PCDHA7: variants seen among roughly 807,000 people sequenced by gnomAD.
PCDHA7 encodes protocadherin alpha-7.
Under a neutral mutation model 57.2 loss-of-function variants are expected in PCDHA7, and 37 were observed. That is an observed-to-expected ratio of 0.65 (90% CI 0.50 to 0.85). The LOEUF (loss-of-function observed/expected upper bound fraction) is 0.85, where lower values mean the gene tolerates loss of function less well. PCDHA7 is among the 40% of genes least tolerant of loss of function. PCDHA7 has a pLI of 0.00. For missense variants in PCDHA7, 1,188 were observed against 1,241.8 expected, an observed-to-expected ratio of 0.96 and a Z score of 0.65; for synonymous variants, 553 against 558.8, an observed-to-expected ratio of 0.99 and a Z score of 0.15.
rs146878440 is a variant in PCDHA7, at chr5:140,836,286, C to T, written c.1903C>T (p.Arg635Ter). Residue 635 changes from arginine (R) to a stop codon, truncating the protein, a stop_gained, in exon 1 of 4, where the codon CGA becomes TGA. Coordinates refer to ENST00000525929, the MANE Select transcript of PCDHA7 (RefSeq NM_018910.3). LOFTEE classifies it high-confidence loss of function. ...GLYTGEISTT[R>*]ALDETDAPRH... ...GTACACTGGTGAGATCAGCACGACA[C>T]GAGCCCTAGATGAGACGGACGCACC... 1.2e-6 allele frequency: 2 copies of T among 1,613,774 alleles called. No homozygotes were observed. Among genetic ancestry groups the T allele is most frequent in the South Asian group, 1.1e-5 (1 of 91,074 alleles).
chr5:140,868,102 T>C (rs2153230741), intron 1 of PCDHA7: 1 of 152,242 alleles, frequency 6.6e-6, no homozygotes, highest in Admixed American at 6.5e-5. Flanking sequence ...ATAATAAAAT[T>C]TATTTTATAG....
chr5:140,937,492 C>T (rs1390017602), intron 1 of PCDHA7, among the ~76,000 whole-genome samples: 1 of 152,054 alleles, frequency 6.6e-6, no homozygotes, highest in African/African-American at 2.4e-5. Context: ...TGGCACATAC[C>T]CGTAATCCCA....
chr5:140,843,901 A>G lies in PCDHA7; in HGVS notation c.2355+7163A>G. 3 of 653,454 alleles carry G rather than the reference A, an allele frequency of 4.6e-6. 1 individual carries two copies. The highest frequency in any genetic ancestry group is 7.7e-6 in the Non-Finnish European group (3 of 388,320). 40.5% of individuals were successfully genotyped at this position (653,454 alleles called of 1,614,324 possible). A position where few individuals can be genotyped will look rare whatever the true frequency, so the allele number is the denominator to read the frequency against. On this transcript the variant is annotated intron_variant, in intron 1 of 3. Transcript: ENST00000525929. ...CATAATACAGTATTAATCATTCTCC[A>G]CAAGTTGGGTCTATCTTGAAACTCA...
chr5:140,911,343 C>G (rs1223805451), intron 1 of PCDHA7, among the ~76,000 whole-genome samples: 1 of 152,136 alleles, frequency 6.6e-6, no homozygotes, highest in African/African-American at 2.4e-5. Flanking sequence ...CAATCAATGC[C>G]CTCATTTCAA....
intron 1 of PCDHA7, among the ~76,000 whole-genome samples, chr5:140,847,134 A>G (rs1210661520): frequency 6.7e-6 from 1 of 149,754 alleles, no homozygotes; most frequent in African/African-American, 2.4e-5. Flanking sequence ...AGGAAAACCA[A>G]TGTAAGAAGA....
intron 1 of PCDHA7, among the ~76,000 whole-genome samples, chr5:140,845,170 T>C (rs1779731590): frequency 6.7e-6 from 1 of 149,622 alleles, no homozygotes; most frequent in Non-Finnish European, 1.5e-5. Context: ...ATTGTTTTCA[T>C]TTTAGTCCTT....
At chr5:140,850,528 C>T (rs1228882569) in intron 1 of PCDHA7, 1 of 1,598,306 alleles carries the variant, frequency 6.3e-7, no homozygotes, top group African/African-American at 1.3e-5. Context: ...GCGCCAAAGT[C>T]ATCGTCGCGG....
chr5:140,999,614 A>G (rs572897182), intron 3 of PCDHA7, among the ~76,000 whole-genome samples: 1 of 152,302 alleles, frequency 6.6e-6, no homozygotes, highest in African/African-American at 2.4e-5. Flanking sequence ...GGACCTTATC[A>G]ACCAGGAAAC....
At chr5:140,996,655 A>G (rs974466773) in intron 3 of PCDHA7, among the ~76,000 whole-genome samples, 5 of 152,226 alleles carry the variant, frequency 3.3e-5, no homozygotes, top group African/African-American at 1.2e-4. Context: ...TCCTGGGTGC[A>G]GGCTAGTTTT....
intron 3 of PCDHA7, among the ~76,000 whole-genome samples, chr5:140,983,853 A>T (rs1447321377): frequency 6.6e-6 from 1 of 152,230 alleles, no homozygotes; most frequent in African/African-American, 2.4e-5. Context: ...ATTAAGTAAC[A>T]TGCAGCTAAG....
At chr5:140,962,665 C>T (rs1457197885) in intron 1 of PCDHA7, among the ~76,000 whole-genome samples, 1 of 152,146 alleles carries the variant, frequency 6.6e-6, no homozygotes, top group African/African-American at 2.4e-5. Flanking sequence ...TTTTCATCTT[C>T]CCATCCACTG....
chr5:140,872,442 C>T (rs1443444144), intron 1 of PCDHA7, among the ~76,000 whole-genome samples: 1 of 152,070 alleles, frequency 6.6e-6, no homozygotes, highest in Non-Finnish European at 1.5e-5. Context: ...GCCTGGACAA[C>T]ATAGCGAGAT....
rs1202247543 is a variant in PCDHA7, at chr5:140,858,682, T to A, written c.2355+21944T>A. On this transcript the variant is annotated intron_variant, in intron 1 of 3. Coordinates refer to ENST00000525929, the MANE Select transcript of PCDHA7 (RefSeq NM_018910.3). Reference sequence around the variant, plus strand: ...AAATAACAATTTATTCTGAATACACTAATATTTTCCAATACAAATATGTGA... The same window carrying A: ...AAATAACAATTTATTCTGAATACACAAATATTTTCCAATACAAATATGTGA... 35 of 617,258 alleles carry A rather than the reference T, an allele frequency of 5.7e-5. 1 individual carries two copies. The East Asian group carries it at 9.7e-4, about 17-fold the overall frequency. 38.2% of individuals were successfully genotyped at this position (617,258 alleles called of 1,614,324 possible).
intron 1 of PCDHA7, among the ~76,000 whole-genome samples, chr5:140,956,438 G>A (rs891696288): frequency 1.3e-5 from 2 of 152,154 alleles, no homozygotes; most frequent in Non-Finnish European, 2.9e-5. Context: ...TTCTGCTTAT[G>A]TGATGAATTA....
chr5:140,841,787 G>T, intron 1 of PCDHA7: 1 of 1,613,878 alleles, frequency 6.2e-7, no homozygotes, highest in Non-Finnish European at 8.5e-7. Flanking sequence ...TCCGCTAGAG[G>T]GCGCGTCCGA....
intron 1 of PCDHA7, among the ~76,000 whole-genome samples, chr5:140,905,536 T>A (rs1562950103): frequency 6.6e-6 from 1 of 152,286 alleles, no homozygotes; most frequent in East Asian, 1.9e-4. Flanking sequence ...TGGTTCCATA[T>A]GAACTTTAGG....
At chr5:140,966,756 G>A (rs1476318654) in intron 1 of PCDHA7, 9 of 1,437,232 alleles carry the variant, frequency 6.3e-6, no homozygotes, top group Non-Finnish European at 8.2e-6. Flanking sequence ...CCTCCGCCGC[G>A]GCCAGTGGCT....
At chr5:140,842,004 T>G (rs1554138709) in intron 1 of PCDHA7, 6 of 1,613,692 alleles carry the variant, frequency 3.7e-6, no homozygotes, top group Non-Finnish European at 5.1e-6. Context: ...ACTGTTCAGC[T>G]GCTGGTCACA....
Position 140,882,483 on chromosome 5 carries a change from G to C in PCDHA7, c.2355+45745G>C. ...TTCCGGGTGGCGTCCAAAAGACACG[G>C]GGACCTTCTGGAGGTAAATCTGCAG... On this transcript the variant is annotated intron_variant, in intron 1 of 3. Coordinates refer to ENST00000525929, the MANE Select transcript of PCDHA7 (RefSeq NM_018910.3). 2 of 1,614,080 alleles carry C rather than the reference G, an allele frequency of 1.2e-6. No individual in the cohort carries two copies. Among genetic ancestry groups the C allele is most frequent in the Non-Finnish European group, 1.7e-6 (2 of 1,180,052 alleles).
Sources: allele counts gnomAD v4.1 joint callset (sites outside exome capture counted in the v4.1 genomes callset), GRCh38; gene constraint gnomAD v4.1.1; transcripts MANE v1.5; gene names NCBI Gene and HGNC (gene_info 2026-07-23, HGNC 2026-07-21).